ALCAM: variants seen among roughly 807,000 people sequenced by gnomAD.
ALCAM encodes CD166 antigen.
ALCAM carries 30 observed loss-of-function variants against 70.9 expected under a neutral mutation model. The observed-to-expected ratio is 0.42, with a 90% confidence interval of 0.32 to 0.57. The LOEUF is 0.57. Among genes scored for constraint, ALCAM ranks in the 20% least tolerant of loss-of-function variants. The pLI is 0.11. For missense variants in ALCAM, 591 were observed against 695.1 expected (o/e 0.85, Z 1.68); for synonymous variants, 249 against 242.5 (o/e 1.03, Z -0.25).
intron 1 of ALCAM, among the ~76,000 whole-genome samples, chr3:105,517,590 G>A (rs1040559870): frequency 1.3e-5 from 2 of 152,116 alleles, no homozygotes; most frequent in Admixed American, 1.3e-4. Context: ...GGGAGCACAA[G>A]TAATCAATCT....
intron 1 of ALCAM, among the ~76,000 whole-genome samples, chr3:105,443,812 T>C (rs1294690884): frequency 6.6e-6 from 1 of 152,196 alleles, no homozygotes; most frequent in Non-Finnish European, 1.5e-5. Flanking sequence ...CTCTCTTACT[T>C]TTACATTATT....
At chr3:105,497,062 T>C (rs1321168200) in intron 1 of ALCAM, among the ~76,000 whole-genome samples, 1 of 152,102 alleles carries the variant, frequency 6.6e-6, no homozygotes, top group Non-Finnish European at 1.5e-5. Context: ...CAATGCAGAA[T>C]AGAAAGTTTA....
At chr3:105,460,664 G>A (rs1172252785) in intron 1 of ALCAM, among the ~76,000 whole-genome samples, 2 of 151,774 alleles carry the variant, frequency 1.3e-5, no homozygotes, top group African/African-American at 4.8e-5. Context: ...CACAGAGAAG[G>A]AAATGAATAC....
Position 105,552,812 on chromosome 3 carries a change from A to G in ALCAM, c.1664+227A>G, listed in dbSNP as rs559414596. On this transcript the variant is annotated intron_variant, in intron 14 of 15. Coordinates refer to ENST00000306107, the MANE Select transcript of ALCAM (RefSeq NM_001627.4). Reference sequence around the variant, plus strand: ...CACATGTGTCCGTTTATTTGTCTCAATCAATAGCCTGAATTCAATTATTTG... The same window carrying G: ...CACATGTGTCCGTTTATTTGTCTCAGTCAATAGCCTGAATTCAATTATTTG... 8.1e-5 allele frequency: 107 copies of G among 1,324,626 alleles called. No homozygotes were observed. In the South Asian group the frequency reaches 1.9e-3, roughly 23 times the overall value. The allele number at this position is 1,324,626 out of a possible 1,614,324, so 82.1% of individuals were successfully genotyped here. A position where few individuals can be genotyped will look rare whatever the true frequency, so the allele number is the denominator to read the frequency against.
chr3:105,543,546 T>C (rs1414039936), intron 8 of ALCAM, among the ~76,000 whole-genome samples: 1 of 149,586 alleles, frequency 6.7e-6, no homozygotes, highest in Non-Finnish European at 1.5e-5. Flanking sequence ...CAAACATGTC[T>C]AAAGGAAGTG....
At chr3:105,557,674 G>A (rs1368672006) in intron 14 of ALCAM, among the ~76,000 whole-genome samples, 1 of 152,132 alleles carries the variant, frequency 6.6e-6, no homozygotes, top group African/African-American at 2.4e-5. Context: ...AGTGCATGCA[G>A]GTGGCTTCCT....
intron 1 of ALCAM, among the ~76,000 whole-genome samples, chr3:105,497,750 G>T (rs952747487): frequency 1.3e-5 from 2 of 152,104 alleles, no homozygotes; most frequent in Non-Finnish European, 2.9e-5. Flanking sequence ...GAAATTGGGG[G>T]CCTGGGTGAG....
chr3:105,393,598 TCA>T (rs1935877515), intron 1 of ALCAM, among the ~76,000 whole-genome samples: 1 of 151,898 alleles, frequency 6.6e-6, no homozygotes, highest in African/African-American at 2.4e-5. Context: ...ATACTTATAC[TCA>T]CTCTTAGAAT....
At position 105,535,043 on chromosome 3, in the gene ALCAM, T is replaced by G. The variant is rs73006174; in HGVS notation, c.730+198T>G. Reference sequence around the variant, plus strand: ...AACATTTATCCATCCTATAATATCTTTCACTCTCTACATTTTATCTATGAG... The same window carrying G: ...AACATTTATCCATCCTATAATATCTGTCACTCTCTACATTTTATCTATGAG... On this transcript the variant is annotated intron_variant, in intron 6 of 15. Transcript: ENST00000306107. Among the ~76,000 whole-genome samples, 468 of 152,232 alleles carry G rather than the reference T, an allele frequency of 3.1e-3. 3 individuals are homozygous for G. Among genetic ancestry groups the G allele is most frequent in the African/African-American group, 0.011 (448 of 41,558 alleles).
At position 105,575,149 on chromosome 3, in the gene ALCAM, A is replaced by G. The variant is rs1940935429; in HGVS notation, c.*698A>G. 1 of 152,634 alleles carries G rather than the reference A, an allele frequency of 6.6e-6. No individual in the cohort carries two copies. The highest frequency in any genetic ancestry group is 2.4e-5 in the African/African-American group (1 of 41,464). The allele number at this position is 152,634 out of a possible 1,614,324, so 9.5% of individuals were successfully genotyped here. A position where few individuals can be genotyped will look rare whatever the true frequency, so the allele number is the denominator to read the frequency against. ...TACTCCCAAACTGACAATTTTACCT[A>G]TTCTGAAAAAGACATAAAACAGAAT... On this transcript the variant is annotated 3_prime_UTR_variant, in exon 16 of 16. Coordinates refer to ENST00000306107, the MANE Select transcript of ALCAM (RefSeq NM_001627.4).
chr3:105,547,155 A>G lies in ALCAM; in HGVS notation c.1111A>G (p.Ile371Val). The G allele has an allele frequency of 1.3e-6, 2 of 1,586,930 alleles. No individual in the cohort carries two copies. Among genetic ancestry groups the G allele is most frequent in the Non-Finnish European group, 1.7e-6 (2 of 1,169,892 alleles). ...TTACTTTTTATTTAATCAGGATAAC[A>G]TCAGGCTTCGATCTAGCCCGTCATT... ...NATVVWMKDN[I>V]RLRSSPSFSS... Residue 371 changes from isoleucine (I) to valine (V), a missense_variant, in exon 10 of 16, where the codon ATC (isoleucine) becomes GTC (valine). Physicochemically the swap from Ile to Val is conservative, Grantham distance 29. Coordinates refer to ENST00000306107, the MANE Select transcript of ALCAM (RefSeq NM_001627.4).
chr3:105,551,074 T>C (rs982923497), intron 12 of ALCAM, among the ~76,000 whole-genome samples: 5 of 151,548 alleles, frequency 3.3e-5, no homozygotes, highest in African/African-American at 9.7e-5. Flanking sequence ...TGGAAACCTG[T>C]ATATGACATT....
At position 105,532,602 on chromosome 3, in the gene ALCAM, C is replaced by A. The variant is rs529602389; in HGVS notation, c.459+536C>A. Among the ~76,000 whole-genome samples the A allele has an allele frequency of 1.8e-4, 27 of 151,946 alleles. No homozygotes were observed. The South Asian group carries it at 5.7e-3, about 32-fold the overall frequency. On this transcript the variant is annotated intron_variant, in intron 4 of 15. Coordinates refer to ENST00000306107, the MANE Select transcript of ALCAM (RefSeq NM_001627.4). The stretch of plus-strand genomic sequence containing the variant: ...CCATTGTGGACGACAGAGCCAGACC[C>A]TGTGTAGAAAAAATATATAGAGAGA...
chr3:105,389,833 G>A lies in ALCAM; in HGVS notation c.73+22352G>A, dbSNP rs1338680699. 3.3e-5 allele frequency among the ~76,000 whole-genome samples: 5 copies of A among 151,082 alleles called. No individual in the cohort carries two copies. The East Asian group carries it at 9.8e-4, about 30-fold the overall frequency. Reference sequence around the variant, plus strand: ...CTCCCACTTTTAAGTAAGAACATGTGATGTTTGGCTTTCTGTTCCTGCATT... The same window carrying A: ...CTCCCACTTTTAAGTAAGAACATGTAATGTTTGGCTTTCTGTTCCTGCATT... On this transcript the variant is annotated intron_variant, in intron 1 of 15. Transcript: ENST00000306107.
chr3:105,541,560 TTCA>T, intron 7 of ALCAM, 70 bp from the exon 8 acceptor site: 1 of 1,497,288 alleles, frequency 6.7e-7, no homozygotes, highest in Non-Finnish European at 9.1e-7. Context: ...AAATGCTATC[TTCA>T]TCAAGAAATA....
chr3:105,547,716 C>T (rs1940287164), intron 11 of ALCAM, among the ~76,000 whole-genome samples, 193 bp downstream of exon 11: 1 of 151,364 alleles, frequency 6.6e-6, no homozygotes. Context: ...AGAGGAAGAA[C>T]ATGGCTCAAA....
At chr3:105,377,198 A>T (rs1935399843) in intron 1 of ALCAM, among the ~76,000 whole-genome samples, 1 of 152,154 alleles carries the variant, frequency 6.6e-6, no homozygotes, top group African/African-American at 2.4e-5. Flanking sequence ...AAAAGTGTGC[A>T]TTGGATTTTA....
chr3:105,537,696 C>T (rs55653703), intron 6 of ALCAM, among the ~76,000 whole-genome samples: 2,319 of 152,146 alleles, frequency 0.015, 37 homozygotes, highest in Non-Finnish European at 0.024. Context: ...AGGAAGCTTC[C>T]TAGTCTCATG....
At chr3:105,514,557 A>C (rs980424168) in intron 1 of ALCAM, among the ~76,000 whole-genome samples, 5 of 151,972 alleles carry the variant, frequency 3.3e-5, no homozygotes, top group Admixed American at 2.0e-4. Context: ...CATAATATGG[A>C]TTATTATATT....
Sources: allele counts gnomAD v4.1 joint callset (sites outside exome capture counted in the v4.1 genomes callset), GRCh38; gene constraint gnomAD v4.1.1; transcripts MANE v1.5; gene names NCBI Gene and HGNC (gene_info 2026-07-23, HGNC 2026-07-21).